Variants in PALLD observed in about 807,000 individuals in gnomAD.
PALLD encodes the protein palladin.
In PALLD, 61 loss-of-function variants were observed where a neutral mutation model predicts 123.5. The observed-to-expected ratio is 0.49, with a 90% CI of 0.40 to 0.61. The LOEUF is 0.61. Among genes scored for constraint, PALLD ranks in the 20% least tolerant of loss-of-function variants. PALLD has a pLI of 0.00. For missense variants in PALLD, 1,273 were observed against 1,377.0 expected (o/e 0.92, Z 1.20); for synonymous variants, 465 against 496.4 (o/e 0.94, Z 0.84).
chr4:168,749,900 C>T (rs781271137), intron 10 of PALLD, among the ~76,000 whole-genome samples: 2 of 150,422 alleles, frequency 1.3e-5, no homozygotes, highest in Non-Finnish European at 3.0e-5. Flanking sequence ...TAGACCCCAG[C>T]ATCTGTTGTT....
intron 10 of PALLD, among the ~76,000 whole-genome samples, chr4:168,822,723 A>G (rs1054602355): frequency 5.9e-5 from 9 of 152,244 alleles, no homozygotes; most frequent in Non-Finnish European, 1.2e-4. Flanking sequence ...TAATTAACTC[A>G]TAAAAGAAAT....
chr4:168,551,814 C>T (rs1766765916), intron 2 of PALLD, among the ~76,000 whole-genome samples: 1 of 152,034 alleles, frequency 6.6e-6, no homozygotes. Flanking sequence ...ATTAAACACT[C>T]GTGTTGGCTT....
chr4:168,653,960 A>G (rs1405873184), intron 2 of PALLD, among the ~76,000 whole-genome samples: 1 of 151,606 alleles, frequency 6.6e-6, no homozygotes, highest in Non-Finnish European at 1.5e-5. Context: ...TCGACCTCCC[A>G]AAGTGCTGAG....
chr4:168,810,821 AAAAAAG>A (rs1741001301), intron 10 of PALLD, among the ~76,000 whole-genome samples: 4 of 132,412 alleles, frequency 3.0e-5, no homozygotes, highest in Admixed American at 7.3e-5. Context: ...TCTCAAAAAA[AAAAAAG>A]AAAAAAAAAG....
intron 18 of PALLD, among the ~76,000 whole-genome samples, 187 bp downstream of exon 18, chr4:168,921,928 C>T (rs1405862139): frequency 6.6e-6 from 1 of 152,044 alleles, no homozygotes; most frequent in Non-Finnish European, 1.5e-5. Flanking sequence ...TTTCATTTCT[C>T]CCACTAACCT....
intron 10 of PALLD, among the ~76,000 whole-genome samples, chr4:168,890,308 A>G (rs753659765): frequency 1.3e-5 from 2 of 152,198 alleles, no homozygotes; most frequent in Non-Finnish European, 2.9e-5. Flanking sequence ...CAGGACCTGC[A>G]GACCTCCCAG....
intron 10 of PALLD, among the ~76,000 whole-genome samples, chr4:168,837,283 C>T (rs764549831): frequency 1.3e-5 from 2 of 152,322 alleles, no homozygotes; most frequent in Non-Finnish European, 2.9e-5. Flanking sequence ...GGCTGACTGA[C>T]ATCGTTTCCT....
intron 10 of PALLD, among the ~76,000 whole-genome samples, chr4:168,835,085 C>A (rs972215946): frequency 1.1e-4 from 16 of 152,172 alleles, no homozygotes; most frequent in African/African-American, 3.9e-4. Context: ...TGATTTCCCC[C>A]CTTTCCAGAT....
chr4:168,850,523 C>CTTTTTTTTTTTTTTTTTTTTTTTTTTTTT (rs767777801), intron 10 of PALLD, among the ~76,000 whole-genome samples: 1 of 34,710 alleles, frequency 2.9e-5, no homozygotes, highest in African/African-American at 1.3e-4. Context: ...TCTGTCATTT[C>CTTTTTTTTTTTTTTTTTTTTTTTTTTTTT]TTTTTTTTTT....
intron 14 of PALLD, among the ~76,000 whole-genome samples, chr4:168,902,307 CAAAT>C (rs139061206): frequency 0.094 from 14,217 of 151,996 alleles, 746 homozygotes; most frequent in Middle Eastern, 0.14. Context: ...AAAATGACAA[CAAAT>C]AACTTGCTGT....
intron 10 of PALLD, among the ~76,000 whole-genome samples, chr4:168,777,219 A>G (rs1735286576): frequency 6.6e-6 from 1 of 152,182 alleles, no homozygotes; most frequent in Non-Finnish European, 1.5e-5. Context: ...TAGAGCTAAC[A>G]GGAGACTAAG....
At chr4:168,806,559 A>G (rs1313636078) in intron 10 of PALLD, among the ~76,000 whole-genome samples, 1 of 152,148 alleles carries the variant, frequency 6.6e-6, no homozygotes, top group Admixed American at 6.6e-5. Flanking sequence ...TCTCTTCTTC[A>G]TACATTACCC....
At chr4:168,749,652 C>T (rs1730774283) in intron 10 of PALLD, among the ~76,000 whole-genome samples, 2 of 152,038 alleles carry the variant, frequency 1.3e-5, no homozygotes, top group African/African-American at 2.4e-5. Context: ...TGCAGTGAGC[C>T]GAGATCATGC....
intron 10 of PALLD, among the ~76,000 whole-genome samples, chr4:168,796,081 A>G (rs918298027): frequency 6.6e-6 from 1 of 152,140 alleles, no homozygotes; most frequent in Non-Finnish European, 1.5e-5. Flanking sequence ...TTATTTTTAA[A>G]TGTACAATTA....
intron 8 of PALLD, among the ~76,000 whole-genome samples, chr4:168,691,876 C>T (rs747771908): frequency 1.4e-4 from 21 of 152,128 alleles, no homozygotes; most frequent in Non-Finnish European, 2.6e-4. Flanking sequence ...CCAGGAGCCT[C>T]GGGCCTAGCT....
chr4:168,850,534 T>C (rs1262287548), intron 10 of PALLD, among the ~76,000 whole-genome samples: 1 of 128,128 alleles, frequency 7.8e-6, no homozygotes, highest in Non-Finnish European at 1.7e-5. Context: ...TTTTTTTTTT[T>C]TTTTTTTTTT....
In PALLD at chr4:168,889,271, C is replaced by G. The variant is rs142818337; in HGVS notation, c.1965-1651C>G. On this transcript the variant is annotated intron_variant, in intron 10 of 21. Transcript: ENST00000505667. Reference sequence around the variant, plus strand: ...CTCTGCCTCCAGTGTTCAAGCAATTCTCATACCCCAACCTCCCAAGTAGCT... The same window carrying G: ...CTCTGCCTCCAGTGTTCAAGCAATTGTCATACCCCAACCTCCCAAGTAGCT... Among the ~76,000 whole-genome samples the G allele has an allele frequency of 4.7e-5, 7 of 150,518 alleles. No homozygotes were observed. In the Admixed American group the frequency reaches 4.7e-4, roughly 10 times the overall value.
chr4:168,885,435 C>A (rs1490836980), intron 10 of PALLD: 2 of 152,188 alleles, frequency 1.3e-5, no homozygotes, highest in Admixed American at 1.3e-4. Flanking sequence ...GGATGACACA[C>A]AAAGTCATGA....
intron 20 of PALLD, 48 bp downstream of exon 20, chr4:168,925,126 G>A (rs765713304): frequency 1.1e-5 from 17 of 1,606,982 alleles, no homozygotes; most frequent in Non-Finnish European, 1.4e-5. Context: ...ATTAAATTAT[G>A]AAAAATTAGA....
Sources: gnomAD v4.1 joint callset for allele counts (sites outside exome capture counted in the v4.1 genomes callset) on GRCh38, gnomAD v4.1.1 for gene constraint, MANE v1.5 for transcripts, NCBI Gene and HGNC (gene_info 2026-07-23, HGNC 2026-07-21) for gene names.